Variants in MECOM observed in about 807,000 individuals in gnomAD.
MECOM encodes histone-lysine N-methyltransferase MECOM.
MECOM carries 13 observed loss-of-function variants against 116.3 expected under a neutral mutation model. That is an observed-to-expected ratio of 0.11 (90% CI 0.07 to 0.18). The LOEUF (loss-of-function observed/expected upper bound fraction) is 0.18. Ranked by LOEUF, MECOM falls within the 10% of genes least tolerant of loss-of-function variation. MECOM has a pLI of 1.00. For synonymous variants in MECOM, 528 were observed against 535.2 expected (o/e 0.99, Z 0.19); for missense variants, 1,299 against 1,509.0 (o/e 0.86, Z 2.31).
chr3:169,517,452 G>A (rs368065610), intron 1 of MECOM, among the ~76,000 whole-genome samples: 7 of 152,160 alleles, frequency 4.6e-5, no homozygotes, highest in Non-Finnish European at 7.3e-5. Flanking sequence ...GCATGTAGAC[G>A]TTTTAGACTA....
At chr3:169,092,587 G>A (rs1486814258) in intron 14 of MECOM, among the ~76,000 whole-genome samples, 2 of 151,886 alleles carry the variant, frequency 1.3e-5, no homozygotes, top group East Asian at 3.9e-4. Context: ...CTGAAATTTT[G>A]ATAACAGATT....
At chr3:169,134,158 T>A (rs1426508632) in intron 3 of MECOM, among the ~76,000 whole-genome samples, 1 of 152,232 alleles carries the variant, frequency 6.6e-6, no homozygotes, top group Non-Finnish European at 1.5e-5. Flanking sequence ...CCACTATTAA[T>A]CATGTCTCTT....
In MECOM at chr3:169,604,930, A is replaced by G. The variant is rs529862171; in HGVS notation, c.37+58406T>C. On this transcript the variant is annotated intron_variant, in intron 1 of 16. Coordinates refer to ENST00000651503, the MANE Select transcript of MECOM (RefSeq NM_004991.4). Reference sequence around the variant, plus strand: ...CCTCACATGTCTTCATACCCATCGCAGCATGAATCCTATTTAAGACAGAAT... The same window carrying G: ...CCTCACATGTCTTCATACCCATCGCGGCATGAATCCTATTTAAGACAGAAT... 3.2e-4 allele frequency among the ~76,000 whole-genome samples: 49 copies of G among 152,328 alleles called. 1 individual carries two copies. Among genetic ancestry groups the G allele is most frequent in the African/African-American group, 1.0e-3 (43 of 41,574 alleles).
chr3:169,638,306 C>G (rs756805027), intron 1 of MECOM, among the ~76,000 whole-genome samples: 3 of 152,136 alleles, frequency 2.0e-5, no homozygotes, highest in Non-Finnish European at 4.4e-5. Flanking sequence ...CCAAGACCTC[C>G]CCAATGTGGA....
chr3:169,171,838 C>T (rs913324292), intron 2 of MECOM, among the ~76,000 whole-genome samples: 1 of 151,862 alleles, frequency 6.6e-6, no homozygotes, highest in Non-Finnish European at 1.5e-5. Flanking sequence ...AAACTTTTGG[C>T]CTTACTTTTC....
At chr3:169,402,095 T>C (rs1285059664) in intron 1 of MECOM, among the ~76,000 whole-genome samples, 7 of 152,038 alleles carry the variant, frequency 4.6e-5, no homozygotes, top group Admixed American at 2.0e-4. Flanking sequence ...TGCTGGAGGA[T>C]GAAGAATAAC....
At chr3:169,253,630 T>C (rs1756509752) in intron 2 of MECOM, among the ~76,000 whole-genome samples, 1 of 152,168 alleles carries the variant, frequency 6.6e-6, no homozygotes, top group Admixed American at 6.6e-5. Context: ...ACTTATGAGA[T>C]ACATCTATAT....
At chr3:169,619,721 A>G (rs1012703780) in intron 1 of MECOM, among the ~76,000 whole-genome samples, 1 of 152,186 alleles carries the variant, frequency 6.6e-6, no homozygotes, top group African/African-American at 2.4e-5. Context: ...AAATATCTGA[A>G]CAGCCCTACT....
chr3:169,244,932 A>G (rs1755391796), intron 2 of MECOM, among the ~76,000 whole-genome samples: 1 of 152,214 alleles, frequency 6.6e-6, no homozygotes, highest in African/African-American at 2.4e-5. Context: ...AACAGTTGAT[A>G]CATACAACAA....
intron 2 of MECOM, among the ~76,000 whole-genome samples, chr3:169,372,704 G>A (rs930222534): frequency 1.1e-4 from 17 of 151,970 alleles, no homozygotes; most frequent in Non-Finnish European, 2.1e-4. Context: ...CTGTTGTCTT[G>A]TTAACATTTA....
chr3:169,535,378 T>C (rs1409176531), intron 1 of MECOM, among the ~76,000 whole-genome samples: 1 of 152,152 alleles, frequency 6.6e-6, no homozygotes, highest in African/African-American at 2.4e-5. Context: ...AGTTCTATAT[T>C]TAATTCTAGA....
intron 2 of MECOM, among the ~76,000 whole-genome samples, chr3:169,315,842 G>A (rs967340332): frequency 3.9e-5 from 6 of 152,150 alleles, no homozygotes; most frequent in African/African-American, 1.2e-4. Context: ...TGTCACCAAT[G>A]TAATGACATA....
In MECOM at chr3:169,153,088, C is replaced by T. The variant is rs555416593; in HGVS notation, c.376-9256G>A. Reference sequence around the variant, plus strand: ...TGTGTTTCAGTCCTAAGCTATGATGCTGAGTGGTTAATGCACAGCAACAAA... The same window carrying T: ...TGTGTTTCAGTCCTAAGCTATGATGTTGAGTGGTTAATGCACAGCAACAAA... On this transcript the variant is annotated intron_variant, in intron 2 of 16. Coordinates refer to ENST00000651503, the MANE Select transcript of MECOM (RefSeq NM_004991.4). Among the ~76,000 whole-genome samples, 14 of 152,066 alleles carry T rather than the reference C, an allele frequency of 9.2e-5. No individual in the cohort carries two copies. In the South Asian group the frequency reaches 2.9e-3, roughly 32 times the overall value.
chr3:169,542,554 C>T lies in MECOM; in HGVS notation c.37+120782G>A, dbSNP rs142265076. The stretch of plus-strand genomic sequence containing the variant: ...TTTTAGAGCAGGTTGATGGAAAGTG[C>T]TAATTGTTGACACATTAGCTAATTG... On this transcript the variant is annotated intron_variant, in intron 1 of 16. Coordinates refer to ENST00000651503, the MANE Select transcript of MECOM (RefSeq NM_004991.4). Among the ~76,000 whole-genome samples the T allele has an allele frequency of 5.5e-3, 836 of 152,306 alleles. 5 individuals are homozygous for T. Among genetic ancestry groups the T allele is most frequent in the Middle Eastern group, 0.01 (3 of 294 alleles).
At chr3:169,566,861 T>G (rs1019301414) in intron 1 of MECOM, among the ~76,000 whole-genome samples, 7 of 152,330 alleles carry the variant, frequency 4.6e-5, no homozygotes, top group Middle Eastern at 3.4e-3. Flanking sequence ...AACTTCTATA[T>G]CCCAACTTTC....
chr3:169,565,571 A>G (rs1324778558), intron 1 of MECOM, among the ~76,000 whole-genome samples: 1 of 152,158 alleles, frequency 6.6e-6, no homozygotes, highest in African/African-American at 2.4e-5. Flanking sequence ...AATACTGCCC[A>G]GCCATGGCTT....
chr3:169,654,343 A>T (rs1254511219), intron 1 of MECOM, among the ~76,000 whole-genome samples: 1 of 152,190 alleles, frequency 6.6e-6, no homozygotes, highest in Non-Finnish European at 1.5e-5. Context: ...AACATATATG[A>T]CCTTCCTACA....
intron 2 of MECOM, among the ~76,000 whole-genome samples, chr3:169,336,468 G>A (rs1006104): frequency 0.043 from 6,520 of 151,940 alleles, 162 homozygotes; most frequent in Non-Finnish European, 0.059. Context: ...TGAGGATAAT[G>A]TTAAATCTGA....
chr3:169,472,518 G>GAAAGAAAAGAAAAGAAAAGA (rs1183018878), intron 1 of MECOM, among the ~76,000 whole-genome samples: 8 of 70,126 alleles, frequency 1.1e-4, no homozygotes, highest in African/African-American at 5.2e-4. Context: ...GAAAGGAAAG[G>GAAAGAAAAGAAAAGAAAAGA]AAAGAAAAGA....
Sources: gnomAD v4.1 joint callset for allele counts (sites outside exome capture counted in the v4.1 genomes callset) on GRCh38, gnomAD v4.1.1 for gene constraint, MANE v1.5 for transcripts, NCBI Gene and HGNC (gene_info 2026-07-23, HGNC 2026-07-21) for gene names.